CASR: variants seen among roughly 807,000 people sequenced by gnomAD.
CASR encodes calcium sensing receptor, also known as extracellular calcium-sensing receptor.
In CASR, 23 loss-of-function variants were observed where a neutral mutation model predicts 69.1. The observed-to-expected ratio is 0.33, with a 90% CI of 0.24 to 0.47. CASR has a LOEUF of 0.47. Among genes scored for constraint, CASR ranks in the 20% least tolerant of loss-of-function variants. The pLI, the probability that CASR is intolerant of heterozygous loss-of-function variation, is 1.00. For missense variants in CASR, 924 were observed against 1,356.1 expected (o/e 0.68, Z 5.00); for synonymous variants, 541 against 544.7 (o/e 0.99, Z 0.10).
intron 1 of CASR, among the ~76,000 whole-genome samples, chr3:122,200,565 T>TG (rs1162128528): frequency 1.3e-5 from 2 of 152,202 alleles, no homozygotes; most frequent in African/African-American, 4.8e-5. Context: ...TGACTATCAC[T>TG]GTAGTTTATT....
chr3:122,262,490 G>A, intron 4 of CASR, 78 bp downstream of exon 4: 1 of 1,310,262 alleles, frequency 7.6e-7, no homozygotes, highest in East Asian at 2.3e-5. Context: ...GAAAAATAGT[G>A]GTCATTTGAA....
intron 4 of CASR, among the ~76,000 whole-genome samples, chr3:122,271,386 A>T (rs901551869): frequency 6.6e-6 from 1 of 152,172 alleles, no homozygotes; most frequent in African/African-American, 2.4e-5. Flanking sequence ...TAAGATGTTT[A>T]CATTGCCATC....
chr3:122,252,473 GA>G (rs397948846), intron 1 of CASR, among the ~76,000 whole-genome samples: 2 of 102,136 alleles, frequency 2.0e-5, no homozygotes, highest in East Asian at 4.9e-4. Context: ...GAAAAGAAAA[GA>G]AGGGAGGGAG....
At chr3:122,254,809 CT>C (rs905725757) in intron 2 of CASR, among the ~76,000 whole-genome samples, 2 of 151,608 alleles carry the variant, frequency 1.3e-5, no homozygotes, top group African/African-American at 2.4e-5. Context: ...TTTTTTCTTT[CT>C]TTTTTTTAAG....
intron 1 of CASR, among the ~76,000 whole-genome samples, chr3:122,245,854 C>T (rs1315163265): frequency 6.6e-6 from 1 of 152,142 alleles, no homozygotes; most frequent in Non-Finnish European, 1.5e-5. Flanking sequence ...TAAAAGAATT[C>T]TCATAATAAA....
At chr3:122,278,772 G>A (rs1299547378) in intron 5 of CASR, among the ~76,000 whole-genome samples, 2 of 152,114 alleles carry the variant, frequency 1.3e-5, no homozygotes, top group East Asian at 3.9e-4. Flanking sequence ...TTTGAAGACT[G>A]ACCTGAGCGC....
Position 122,286,157 on chromosome 3 carries a change from T to C in CASR, c.*966T>C, listed in dbSNP as rs964113805. 5 of 152,496 alleles carry C rather than the reference T, an allele frequency of 3.3e-5. No individual in the cohort carries two copies. Among genetic ancestry groups the C allele is most frequent in the Admixed American group, 6.5e-5 (1 of 15,282 alleles). The allele number at this position is 152,496 out of a possible 1,614,324, so 9.4% of individuals were successfully genotyped here. ...TCTCAATTATTGGCCTGCTAATAGC[T>C]GCTAGGGTAGGAAAGCGTGGTTCCA... On this transcript the variant is annotated 3_prime_UTR_variant, in exon 7 of 7. Transcript: ENST00000639785.
intron 1 of CASR, among the ~76,000 whole-genome samples, chr3:122,223,194 G>A (rs1205451996): frequency 6.6e-6 from 1 of 151,948 alleles, no homozygotes; most frequent in Non-Finnish European, 1.5e-5. Flanking sequence ...CCCAAAGCTA[G>A]CAGAAGAAAG....
chr3:122,206,797 C>T (rs374750179), intron 1 of CASR, among the ~76,000 whole-genome samples: 1 of 152,020 alleles, frequency 6.6e-6, no homozygotes, highest in Non-Finnish European at 1.5e-5. Context: ...CATGTTTCAA[C>T]CTTCGTAGAT....
chr3:122,210,226 A>T (rs112854403), intron 1 of CASR, among the ~76,000 whole-genome samples: 4 of 152,084 alleles, frequency 2.6e-5, no homozygotes, highest in Non-Finnish European at 5.9e-5. Flanking sequence ...TAGCATTGGA[A>T]GTTCTGGCCA....
intron 3 of CASR, 142 bp from the exon 4 acceptor site, chr3:122,261,386 C>T: frequency 1.3e-6 from 1 of 794,682 alleles, no homozygotes; most frequent in East Asian, 2.4e-5. Context: ...CCCTTTCTTT[C>T]ATCCTGTATA....
Position 122,261,754 on chromosome 3 carries a change from G to C in CASR, c.719G>C (p.Ser240Thr), listed in dbSNP as rs757775389. ...AEERDICIDF[S>T]ELISQYSDEE... ...GAAAGGGATATCTGCATCGACTTCA[G>C]TGAACTCATCTCCCAGTACTCTGAT... The change falls in exon 4 of 7, where the codon AGT (serine) becomes ACT (threonine). Residue 240 changes from serine to threonine, a missense_variant. This residue lies in a region of CASR where 141 missense variants were observed against 283.0 expected (regional missense o/e 0.50). Transcript: ENST00000639785. The C allele has an allele frequency of 1.2e-6, 2 of 1,614,234 alleles. No individual in the cohort carries two copies. Among genetic ancestry groups the C allele is most frequent in the Non-Finnish European group, 8.5e-7 (1 of 1,180,036 alleles).
At chr3:122,263,347 C>G (rs775772591) in intron 4 of CASR, among the ~76,000 whole-genome samples, 2 of 152,174 alleles carry the variant, frequency 1.3e-5, no homozygotes, top group African/African-American at 2.4e-5. Context: ...ATCTGTGACA[C>G]AGACTTAATG....
At chr3:122,236,680 C>T (rs1402154854) in intron 1 of CASR, among the ~76,000 whole-genome samples, 3 of 152,190 alleles carry the variant, frequency 2.0e-5, no homozygotes, top group Non-Finnish European at 4.4e-5. Context: ...CTAACAAACA[C>T]ATCTTGAAAT....
At chr3:122,234,890 T>A (rs137868814) in intron 1 of CASR, among the ~76,000 whole-genome samples, 1 of 152,386 alleles carries the variant, frequency 6.6e-6, no homozygotes, top group East Asian at 1.9e-4. Context: ...CCAGGATTTA[T>A]TTTTTAAATG....
intron 1 of CASR, among the ~76,000 whole-genome samples, chr3:122,209,245 C>T (rs1342467265): frequency 1.3e-5 from 2 of 151,750 alleles, no homozygotes; most frequent in African/African-American, 2.4e-5. Flanking sequence ...AACATCCTCA[C>T]ACTAAAAAAA....
chr3:122,217,739 A>G (rs1271828074), intron 1 of CASR, among the ~76,000 whole-genome samples: 1 of 152,200 alleles, frequency 6.6e-6, no homozygotes, highest in Non-Finnish European at 1.5e-5. Flanking sequence ...GTACAAATGA[A>G]AGTAATAACC....
chr3:122,225,214 A>G (rs909228272), intron 1 of CASR, among the ~76,000 whole-genome samples: 1 of 152,160 alleles, frequency 6.6e-6, no homozygotes, highest in African/African-American at 2.4e-5. Flanking sequence ...AAAATTGATG[A>G]GAGAGACCTA....
chr3:122,203,356 C>T (rs1003506136), intron 1 of CASR, among the ~76,000 whole-genome samples: 6 of 152,106 alleles, frequency 3.9e-5, no homozygotes, highest in Non-Finnish European at 7.4e-5. Context: ...CATTATTGTT[C>T]GAACATCACA....
Sources: gnomAD v4.1 joint callset for allele counts (sites outside exome capture counted in the v4.1 genomes callset) on GRCh38, gnomAD v4.1.1 for gene constraint, gnomAD v4.1.1 regional missense constraint, MANE v1.5 for transcripts, NCBI Gene and HGNC (gene_info 2026-07-23, HGNC 2026-07-21) for gene names.